Variants in TCP11 observed in about 807,000 individuals in gnomAD.
The protein encoded by TCP11 is t-complex 11.
TCP11 carries 34 observed loss-of-function variants against 45.0 expected under a neutral mutation model. The ratio of observed to expected loss-of-function variants is 0.76; its 90% CI spans 0.57 to 1.01. TCP11 has a LOEUF of 1.01. TCP11 is among the 50% of genes least tolerant of loss of function. The pLI, the probability that TCP11 is intolerant of heterozygous loss-of-function variation, is 0.00. For synonymous variants in TCP11, 227 were observed against 227.0 expected (o/e 1.00, Z 0.00); for missense variants, 523 against 598.1 (o/e 0.87, Z 1.31).
Position 35,140,882 on chromosome 6 carries a change from T to C in TCP11, c.-12A>G, listed in dbSNP as rs766126366. 6.4e-7 allele frequency: 1 copy of C among 1,572,986 alleles called. No homozygotes were observed. Among genetic ancestry groups the C allele is most frequent in the Non-Finnish European group, 8.6e-7 (1 of 1,163,034 alleles). Reference sequence around the variant, plus strand: ...TTGACGTCTGGCATTTTGCTGATGGTATCTGGGTGAGGGAGAAAGGCGTGT... The same window carrying C: ...TTGACGTCTGGCATTTTGCTGATGGCATCTGGGTGAGGGAGAAAGGCGTGT... On this transcript the variant is annotated splice_region_variant and 5_prime_UTR_variant, in exon 2 of 10. It adds an upstream start codon to the 5' untranslated region. Transcript: ENST00000311875.
chr6:35,141,258 G>A lies in TCP11; in HGVS notation c.-68C>T. 1 of 184,056 alleles carries A rather than the reference G, an allele frequency of 5.4e-6. No homozygotes were observed. The highest frequency in any genetic ancestry group is 9.9e-6 in the Non-Finnish European group (1 of 100,724). 11.4% of individuals were successfully genotyped at this position (184,056 alleles called of 1,614,324 possible). The stretch of plus-strand genomic sequence containing the variant: ...CTGGCGTCCGCTCGGTGGGCCTCGC[G>A]GCCTGGCGGCCTGGAGCGTACCACC... On this transcript the variant is annotated 5_prime_UTR_variant, in exon 1 of 10. Coordinates refer to ENST00000311875, the MANE Select transcript of TCP11 (RefSeq NM_001370687.1).
chr6:35,130,742 A>AG (rs780670511), intron 3 of TCP11, among the ~76,000 whole-genome samples: 6 of 152,248 alleles, frequency 3.9e-5, no homozygotes, highest in Non-Finnish European at 7.3e-5. Flanking sequence ...ATAGAGAAAT[A>AG]GGAACTCACA....
intron 5 of TCP11, 118 bp downstream of exon 5, chr6:35,121,999 A>G (rs1779313036): frequency 1.1e-6 from 1 of 940,486 alleles, no homozygotes; most frequent in African/African-American, 1.6e-5. Context: ...AAAGGGTGTT[A>G]GTCAGGTCTT....
At chr6:35,136,734 T>A (rs1415949622) in intron 2 of TCP11, among the ~76,000 whole-genome samples, 3 of 25,844 alleles carry the variant, frequency 1.2e-4, no homozygotes, top group Admixed American at 8.8e-4. Context: ...TCTGAAAATA[T>A]TTTAAGCAAC....
intron 4 of TCP11, among the ~76,000 whole-genome samples, chr6:35,124,651 C>T (rs991281211): frequency 6.6e-6 from 1 of 152,090 alleles, no homozygotes; most frequent in South Asian, 2.1e-4. Context: ...AACAGATACA[C>T]AGACCAAAAG....
intron 5 of TCP11, among the ~76,000 whole-genome samples, chr6:35,121,899 C>T (rs973527461): frequency 6.6e-6 from 1 of 151,826 alleles, no homozygotes. Flanking sequence ...TATGGTATTA[C>T]AGAGGGGGGG....
Position 35,141,229 on chromosome 6 carries a change from T to G in TCP11, c.-39A>C. On this transcript the variant is annotated 5_prime_UTR_variant, in exon 1 of 10. An upstream start codon of the reference 5' UTR is lost. Coordinates refer to ENST00000311875, the MANE Select transcript of TCP11 (RefSeq NM_001370687.1). ...CCTCCTCCTCCCCCGCCGCGGGTCA[T>G]CCACTGGCGTCCGCTCGGTGGGCCT... 7.1e-7 allele frequency: 1 copy of G among 1,399,140 alleles called. No individual in the cohort carries two copies. The highest frequency in any genetic ancestry group is 9.3e-7 in the Non-Finnish European group (1 of 1,078,354). 86.7% of individuals were successfully genotyped at this position (1,399,140 alleles called of 1,614,324 possible).
intron 3 of TCP11, among the ~76,000 whole-genome samples, chr6:35,133,973 T>C (rs1562006165): frequency 6.6e-6 from 1 of 152,144 alleles, no homozygotes; most frequent in Non-Finnish European, 1.5e-5. Flanking sequence ...GTTCAGATTT[T>C]GATAAATAAG....
At chr6:35,121,910 C>G (rs964366126) in intron 5 of TCP11, among the ~76,000 whole-genome samples, 12 of 151,858 alleles carry the variant, frequency 7.9e-5, no homozygotes, top group Admixed American at 7.2e-4. Context: ...AGAGGGGGGG[C>G]CCAATCAAGC....
intron 9 of TCP11, 77 bp from the exon 10 acceptor site, chr6:35,118,578 A>G: frequency 7.5e-7 from 1 of 1,327,076 alleles, no homozygotes; most frequent in Non-Finnish European, 1.0e-6. Flanking sequence ...CACTCTACTC[A>G]CCCATGTTCT....
At chr6:35,123,651 CT>C (rs3045081) in intron 4 of TCP11, among the ~76,000 whole-genome samples, 26,840 of 127,804 alleles carry the variant, frequency 0.21, 2,855 homozygotes, top group East Asian at 0.34. Flanking sequence ...AGTTTTCTTT[CT>C]TTTTTTTTTT....
chr6:35,140,936 A>G lies in TCP11; in HGVS notation c.-14-52T>C, dbSNP rs550160984. The G allele has an allele frequency of 4.9e-6, 6 of 1,229,868 alleles. No homozygotes were observed. In the South Asian group the frequency reaches 9.7e-5, roughly 20 times the overall value. The allele number at this position is 1,229,868 out of a possible 1,614,324, so 76.2% of individuals were successfully genotyped here. A position where few individuals can be genotyped will look rare whatever the true frequency, so the allele number is the denominator to read the frequency against. ...TGGCGTCGGGGAAGGGGCCTCCCCAATTGCCAAGGGGGTCCCTGGGGGCGG... is the reference window on the plus strand; with the variant it reads ...TGGCGTCGGGGAAGGGGCCTCCCCAGTTGCCAAGGGGGTCCCTGGGGGCGG... On this transcript the variant is annotated intron_variant, in intron 1 of 9. Transcript: ENST00000311875.
chr6:35,120,319 G>T lies in TCP11; in HGVS notation c.955C>A (p.Arg319=). The stretch of plus-strand genomic sequence containing the variant: ...AACTGGGACTTCAGCTCCTGCAGCC[G>T]GGTTCTGTCCATCAGCAGGGTCTGG... ...FPETLLMDRT[R]LQELKSQLHQ... is the part of the protein sequence containing the mutation. Residue 319 remains arginine, a synonymous_variant, in exon 8 of 10, where the codon CGG becomes AGG. Transcript: ENST00000311875. This position sits in a 1 kb window ranked among gnomAD's most constrained non-coding sequence, Gnocchi z 4.9. The T allele has an allele frequency of 1.2e-6, 2 of 1,613,998 alleles. No individual in the cohort carries two copies. Among genetic ancestry groups the T allele is most frequent in the Non-Finnish European group, 1.7e-6 (2 of 1,179,882 alleles).
At chr6:35,136,239 G>A in intron 2 of TCP11, 21 bp from the exon 3 acceptor site, 1 of 1,578,616 alleles carries the variant, frequency 6.3e-7, no homozygotes, top group Non-Finnish European at 8.7e-7. Context: ...ACAACAATGA[G>A]CCCATGCAAG....
intron 4 of TCP11, 37 bp from the exon 5 acceptor site, chr6:35,122,374 T>C (rs1779375180): frequency 6.3e-7 from 1 of 1,593,696 alleles, no homozygotes; most frequent in Middle Eastern, 1.7e-4. Flanking sequence ...TTGATCTGTT[T>C]AGATCCCCAA....
rs1779135631 is a variant in TCP11 at position 35,120,648 on chromosome 6, T to C, written c.716-2A>G. ...ATTTGGTGGTGTGATTAAGGAGACC[T>C]ATGACAGGTAAGGGAGTGTGTAAGC... On this transcript the variant is annotated splice_acceptor_variant, in intron 6 of 9. Transcript: ENST00000311875. LOFTEE classifies it high-confidence loss of function. The surrounding 1 kb of genome is among the most constrained non-coding windows in gnomAD (Gnocchi z 4.9). 3 of 1,612,444 alleles carry C rather than the reference T, an allele frequency of 1.9e-6. No homozygotes were observed. Among genetic ancestry groups the C allele is most frequent in the African/African-American group, 1.3e-5 (1 of 74,888 alleles).
At position 35,120,735 on chromosome 6, in the gene TCP11, T is replaced by C. The variant is rs1000897337; in HGVS notation, c.716-89A>G. The C allele has an allele frequency of 7.0e-7, 1 of 1,429,322 alleles. No individual in the cohort carries two copies. The highest frequency in any genetic ancestry group is 1.4e-5 in the African/African-American group (1 of 70,020). 88.5% of individuals were successfully genotyped at this position (1,429,322 alleles called of 1,614,324 possible). A position where few individuals can be genotyped will look rare whatever the true frequency, so the allele number is the denominator to read the frequency against. On this transcript the variant is annotated intron_variant, in intron 6 of 9. Transcript: ENST00000311875. The surrounding 1 kb of genome is among the most constrained non-coding windows in gnomAD (Gnocchi z 4.9). ...AGGTTCTTTTCAAGTATACTCCTGG[T>C]CAATAAATAAATGCTTTGAGGGTCT... is the stretch of plus-strand genomic sequence containing the variant.
At chr6:35,139,527 G>A (rs1781489246) in intron 2 of TCP11, among the ~76,000 whole-genome samples, 1 of 152,094 alleles carries the variant, frequency 6.6e-6, no homozygotes, top group African/African-American at 2.4e-5. Context: ...AGCCAAAATG[G>A]CAAAACACAA....
At chr6:35,137,829 G>C (rs145292272) in intron 2 of TCP11, 8 of 455,312 alleles carry the variant, frequency 1.8e-5, no homozygotes, top group African/African-American at 8.0e-5. Flanking sequence ...ACAAAGATTG[G>C]CCACGAGTTG....
Sources: gnomAD v4.1 joint callset for allele counts (sites outside exome capture counted in the v4.1 genomes callset) on GRCh38, gnomAD v4.1.1 for gene constraint, Gnocchi (gnomAD v3.1) non-coding constraint, MANE v1.5 for transcripts, NCBI Gene and HGNC (gene_info 2026-07-23, HGNC 2026-07-21) for gene names.